The following TMEM132B variants were observed in gnomAD, a reference collection of about 807,000 sequenced individuals.
TMEM132B encodes the protein transmembrane protein 132B.
Under a neutral mutation model 90.8 loss-of-function variants are expected in TMEM132B, and 18 were observed. The observed-to-expected ratio is 0.20, with a 90% CI of 0.14 to 0.29. TMEM132B has a LOEUF of 0.29. TMEM132B is among the 10% of genes least tolerant of loss of function. The probability of loss-of-function intolerance (pLI) is 1.00; values close to 1 mark genes in which losing one functional copy is unlikely to be tolerated. For missense variants in TMEM132B, 1,096 were observed against 1,326.8 expected (o/e 0.83, Z 2.70); for synonymous variants, 504 against 523.3 (o/e 0.96, Z 0.50).
chr12:125,360,261 T>A (rs965022734), intron 2 of TMEM132B, among the ~76,000 whole-genome samples: 3 of 152,176 alleles, frequency 2.0e-5, no homozygotes, highest in Admixed American at 6.5e-5. Flanking sequence ...CCCGATTTAC[T>A]CTTACACCCC....
intron 5 of TMEM132B, among the ~76,000 whole-genome samples, chr12:125,610,710 A>G (rs527507560): frequency 6.6e-6 from 1 of 152,138 alleles, no homozygotes; most frequent in South Asian, 2.1e-4. Context: ...TGACAATGCA[A>G]TGGGAGAAAA....
intron 2 of TMEM132B, among the ~76,000 whole-genome samples, chr12:125,376,398 G>T (rs1322655430): frequency 2.0e-5 from 3 of 152,122 alleles, no homozygotes; most frequent in Non-Finnish European, 4.4e-5. Context: ...CCATGCTAAA[G>T]CAAAACAGAG....
intron 1 of TMEM132B, among the ~76,000 whole-genome samples, chr12:125,344,707 G>A (rs1438979483): frequency 6.6e-6 from 1 of 152,138 alleles, no homozygotes; most frequent in African/African-American, 2.4e-5. Context: ...GAGTGGAATG[G>A]CTGAAGTTGC....
rs59220510 is a variant in TMEM132B at position 125,325,669 on chromosome 12, CTGTGTGTG to C, written c.68-23739_68-23732del. On this transcript the variant is annotated intron_variant, in intron 1 of 8. Transcript: ENST00000682704. ...TTGCATTCTTTCCCTGCCTCCCACC[CTGTGTGTG>C]TGTGTGTGTGTGTGTGTGTGTGTGT... Among the ~76,000 whole-genome samples, 895 of 124,364 alleles carry C rather than the reference CTGTGTGTG, an allele frequency of 7.2e-3. 2 individuals are homozygous for C. The highest frequency in any genetic ancestry group is 0.019 in the African/African-American group (653 of 35,072). The allele number at this position is 124,364 out of a possible 152,430, so 81.6% of individuals were successfully genotyped here. A position where few individuals can be genotyped will look rare whatever the true frequency, so the allele number is the denominator to read the frequency against.
In TMEM132B at chr12:125,434,572, C is replaced by G. The variant is rs439979; in HGVS notation, c.1106+18895C>G. Among the ~76,000 whole-genome samples, 3 of 152,244 alleles carry G rather than the reference C, an allele frequency of 2.0e-5. No homozygotes were observed. In the East Asian group the frequency reaches 5.8e-4, roughly 30 times the overall value. On this transcript the variant is annotated intron_variant, in intron 3 of 8. Transcript: ENST00000682704. ...TCCCCATCCCAGCCTCAGTGGCCGCCCTGGCAGTGGCTCCCCACAACACCT... is the reference window on the plus strand; with the variant it reads ...TCCCCATCCCAGCCTCAGTGGCCGCGCTGGCAGTGGCTCCCCACAACACCT...
chr12:125,216,975 C>T (rs1464293305), intron 1 of TMEM132B, among the ~76,000 whole-genome samples: 1 of 152,242 alleles, frequency 6.6e-6, no homozygotes, highest in Non-Finnish European at 1.5e-5. Context: ...GGCCCTGAGC[C>T]ACTCGGCCGC....
chr12:125,412,917 A>G (rs11831209), intron 2 of TMEM132B, among the ~76,000 whole-genome samples: 2,154 of 152,170 alleles, frequency 0.014, 47 homozygotes, highest in African/African-American at 0.049. Context: ...CCCAGAATTC[A>G]GCGGAAGAAT....
chr12:125,266,557 C>G (rs1379733319), intron 1 of TMEM132B, among the ~76,000 whole-genome samples: 3 of 152,124 alleles, frequency 2.0e-5, no homozygotes, highest in Non-Finnish European at 4.4e-5. Flanking sequence ...GCCAGGCCTG[C>G]TCACAGAGAT....
chr12:125,625,484 G>C (rs1393429198), intron 5 of TMEM132B, among the ~76,000 whole-genome samples: 1 of 152,164 alleles, frequency 6.6e-6, no homozygotes, highest in East Asian at 1.9e-4. Flanking sequence ...CTGTGTTATT[G>C]TGTGAATTGA....
chr12:125,223,571 T>C (rs1161284519), intron 1 of TMEM132B, among the ~76,000 whole-genome samples: 1 of 152,226 alleles, frequency 6.6e-6, no homozygotes, highest in Non-Finnish European at 1.5e-5. Flanking sequence ...GCATTTAGAA[T>C]ATTTAAAATA....
intron 2 of TMEM132B, among the ~76,000 whole-genome samples, chr12:125,412,065 C>T (rs1015643532): frequency 9.2e-5 from 14 of 152,148 alleles, no homozygotes; most frequent in African/African-American, 3.4e-4. Context: ...GACTGTCTCC[C>T]CGCACTGGAC....
chr12:125,426,574 C>G (rs1384547644), intron 3 of TMEM132B, among the ~76,000 whole-genome samples: 2 of 152,210 alleles, frequency 1.3e-5, no homozygotes, highest in Non-Finnish European at 2.9e-5. Context: ...GAGGTTCTCA[C>G]TGGCTGAGGG....
intron 4 of TMEM132B, among the ~76,000 whole-genome samples, chr12:125,549,829 AACACCAGAC>A (rs1162516935): frequency 5.3e-5 from 8 of 152,214 alleles, no homozygotes; most frequent in Non-Finnish European, 8.8e-5. Context: ...AGAAGAAATT[AACACCAGAC>A]ATTGTGCTGT....
intron 3 of TMEM132B, among the ~76,000 whole-genome samples, chr12:125,499,989 C>T (rs892160715): frequency 2.6e-5 from 4 of 152,188 alleles, no homozygotes; most frequent in Non-Finnish European, 4.4e-5. Flanking sequence ...AAATCCCTCA[C>T]TAACCTACCC....
chr12:125,387,479 C>G (rs1259979960), intron 2 of TMEM132B, among the ~76,000 whole-genome samples: 1 of 152,146 alleles, frequency 6.6e-6, no homozygotes, highest in Non-Finnish European at 1.5e-5. Context: ...TTTGTGTGTC[C>G]CTACATAGAC....
intron 1 of TMEM132B, among the ~76,000 whole-genome samples, chr12:125,297,932 C>T (rs975678481): frequency 1.3e-5 from 2 of 152,222 alleles, no homozygotes; most frequent in Admixed American, 1.3e-4. Flanking sequence ...CCATTCCCAA[C>T]AGTAAACAAG....
intron 1 of TMEM132B, among the ~76,000 whole-genome samples, chr12:125,243,034 C>CAT: frequency 8.6e-6 from 1 of 116,874 alleles, no homozygotes; most frequent in Non-Finnish European, 1.7e-5. Context: ...TATATATATA[C>CAT]ACACACACAC....
chr12:125,360,672 G>A (rs1345208524), intron 2 of TMEM132B, among the ~76,000 whole-genome samples: 1 of 152,086 alleles, frequency 6.6e-6, no homozygotes, highest in Admixed American at 6.5e-5. Flanking sequence ...AGTGACATCA[G>A]GTTAAGGTCA....
At chr12:125,519,800 G>T (rs1412013979) in intron 4 of TMEM132B, among the ~76,000 whole-genome samples, 175 bp downstream of exon 4, 2 of 152,210 alleles carry the variant, frequency 1.3e-5, no homozygotes, top group Middle Eastern at 3.2e-3. Flanking sequence ...AACTATTTAA[G>T]GTCTACCATG....
Sources: allele counts gnomAD v4.1 joint callset (sites outside exome capture counted in the v4.1 genomes callset), GRCh38; gene constraint gnomAD v4.1.1; transcripts MANE v1.5; gene names NCBI Gene and HGNC (gene_info 2026-07-23, HGNC 2026-07-21).